TBC1D5: variants seen among roughly 807,000 people sequenced by gnomAD.
The protein encoded by TBC1D5 is TBC1 domain family, member 5.
TBC1D5 carries 75 observed loss-of-function variants against 100.3 expected under a neutral mutation model. The ratio of observed to expected loss-of-function variants is 0.75; its 90% CI spans 0.62 to 0.91. The LOEUF (loss-of-function observed/expected upper bound fraction) is 0.91, where lower values mean the gene tolerates loss of function less well. Ranked by LOEUF, TBC1D5 falls within the 40% of genes least tolerant of loss-of-function variation. The probability of loss-of-function intolerance (pLI) is 0.00; values close to 1 mark genes in which losing one functional copy is unlikely to be tolerated. For synonymous variants in TBC1D5, 323 were observed against 325.6 expected (o/e 0.99, Z 0.09); for missense variants, 910 against 942.4 (o/e 0.97, Z 0.45).
intron 14 of TBC1D5, among the ~76,000 whole-genome samples, chr3:17,294,116 T>C (rs2082018507): frequency 6.6e-6 from 1 of 152,246 alleles, no homozygotes; most frequent in African/African-American, 2.4e-5. Flanking sequence ...GTATTACTAC[T>C]ACTCTAGTGA....
intron 18 of TBC1D5, among the ~76,000 whole-genome samples, chr3:17,198,853 G>C (rs562955107): frequency 6.6e-6 from 1 of 152,294 alleles, no homozygotes; most frequent in South Asian, 2.1e-4. Context: ...TGCTCCACTG[G>C]AAAGATTCTG....
At chr3:17,333,151 G>C (rs1160518563) in intron 13 of TBC1D5, 1 of 152,312 alleles carries the variant, frequency 6.6e-6, no homozygotes, top group Non-Finnish European at 1.5e-5. Context: ...GTATCGAAGA[G>C]GGAAGAAGTC....
rs533479585 is a variant in TBC1D5 at position 17,575,715 on chromosome 3, G to A, written c.-36+48134C>T. Among the ~76,000 whole-genome samples the A allele has an allele frequency of 4.6e-5, 7 of 152,196 alleles. No homozygotes were observed. In the East Asian group the frequency reaches 5.8e-4, roughly 13 times the overall value. On this transcript the variant is annotated intron_variant, in intron 2 of 21. Transcript: ENST00000253692. ...GACATTAACTTTTCTTGCAAGGTCT[G>A]TACTCAGTTCAGAATTTACTTTGGA...
intron 2 of TBC1D5, among the ~76,000 whole-genome samples, chr3:17,536,957 T>C (rs1263622320): frequency 3.9e-5 from 6 of 152,162 alleles, no homozygotes; most frequent in Admixed American, 2.6e-4. Context: ...AAATATATGG[T>C]AAATGTCTAC....
Position 17,706,289 on chromosome 3 carries a change from A to C in TBC1D5, c.-101+33054T>G, listed in dbSNP as rs115636061. On this transcript the variant is annotated intron_variant, in intron 1 of 21. Coordinates refer to ENST00000253692, the Ensembl canonical transcript of TBC1D5. Reference sequence around the variant, plus strand: ...ACTCAGCTCTAAAGAGTTGAACTAGAGGGTCTCACCTTTTCTGTTCAAACC... The same window carrying C: ...ACTCAGCTCTAAAGAGTTGAACTAGCGGGTCTCACCTTTTCTGTTCAAACC... 123 of 1,538,878 alleles carry C rather than the reference A, an allele frequency of 8.0e-5. No individual in the cohort carries two copies. In the African/African-American group the frequency reaches 1.6e-3, roughly 20 times the overall value.
chr3:17,522,370 A>G (rs2096072698), intron 2 of TBC1D5, among the ~76,000 whole-genome samples: 1 of 152,168 alleles, frequency 6.6e-6, no homozygotes, highest in Admixed American at 6.5e-5. Context: ...ATGGGAATAA[A>G]CTATTTCAAT....
intron 3 of TBC1D5, among the ~76,000 whole-genome samples, chr3:17,448,631 A>C (rs1216168645): frequency 6.6e-6 from 1 of 152,220 alleles, no homozygotes; most frequent in African/African-American, 2.4e-5. Flanking sequence ...CAGGTGCCTT[A>C]TCAAAGAGAA....
At chr3:17,219,597 G>A (rs1295259009) in intron 17 of TBC1D5, among the ~76,000 whole-genome samples, 2 of 151,256 alleles carry the variant, frequency 1.3e-5, no homozygotes, top group Non-Finnish European at 2.9e-5. Flanking sequence ...CCTGTTATTT[G>A]TTGCTGTTTT....
chr3:17,354,083 T>C (rs1170761894), intron 13 of TBC1D5, among the ~76,000 whole-genome samples: 6 of 152,116 alleles, frequency 3.9e-5, no homozygotes, highest in African/African-American at 1.4e-4. Context: ...TAAGACAGAC[T>C]ACATACACAT....
intron 18 of TBC1D5, among the ~76,000 whole-genome samples, chr3:17,191,736 C>A (rs2069931465): frequency 6.6e-6 from 1 of 152,018 alleles, no homozygotes; most frequent in Non-Finnish European, 1.5e-5. Flanking sequence ...CCTGCCTCAG[C>A]CTCCCAAGTA....
intron 18 of TBC1D5, among the ~76,000 whole-genome samples, chr3:17,201,740 G>GT (rs1214607673): frequency 1.3e-5 from 2 of 152,126 alleles, no homozygotes; most frequent in African/African-American, 2.4e-5. Context: ...CTCTGGCTGT[G>GT]TAAGATGTGA....
At chr3:17,627,326 G>A (rs900638536) in intron 1 of TBC1D5, among the ~76,000 whole-genome samples, 1 of 152,058 alleles carries the variant, frequency 6.6e-6, no homozygotes, top group Non-Finnish European at 1.5e-5. Flanking sequence ...CAGAGGGATG[G>A]AAACATAAAA....
rs141868528 is a variant in TBC1D5, at chr3:17,450,205, C to A, written c.98-21686G>T. Among the ~76,000 whole-genome samples the A allele has an allele frequency of 4.4e-3, 676 of 152,174 alleles. 1 individual carries two copies. Among genetic ancestry groups the A allele is most frequent in the African/African-American group, 0.015 (641 of 41,498 alleles). ...AACATCAACATCAACAAAAAGGACA[C>A]CCACGCAAAAACCCCATCCAAAAGT... On this transcript the variant is annotated intron_variant, in intron 3 of 21. Coordinates refer to ENST00000253692, the Ensembl canonical transcript of TBC1D5.
At chr3:17,220,193 G>A (rs917177018) in intron 17 of TBC1D5, among the ~76,000 whole-genome samples, 6 of 152,148 alleles carry the variant, frequency 3.9e-5, no homozygotes, top group African/African-American at 1.4e-4. Context: ...GAACTGCTAT[G>A]TATAACTATA....
intron 15 of TBC1D5, among the ~76,000 whole-genome samples, chr3:17,277,367 C>T (rs145676513): frequency 4.3e-4 from 66 of 152,008 alleles, no homozygotes; most frequent in African/African-American, 1.5e-3. Context: ...TTACTTTTTT[C>T]TTACTGTCTT....
chr3:17,590,055 A>T (rs1473762563), intron 2 of TBC1D5, among the ~76,000 whole-genome samples: 1 of 151,654 alleles, frequency 6.6e-6, no homozygotes, highest in Non-Finnish European at 1.5e-5. Flanking sequence ...ATCAGCACCC[A>T]CTCCCCCCTA....
chr3:17,456,270 A>G (rs2095082532), intron 3 of TBC1D5, among the ~76,000 whole-genome samples: 1 of 152,246 alleles, frequency 6.6e-6, no homozygotes, highest in Non-Finnish European at 1.5e-5. Flanking sequence ...CCCCACAAGC[A>G]CAGGCAATCA....
Position 17,664,958 on chromosome 3 carries a change from G to C in TBC1D5, c.-100-41045C>G, listed in dbSNP as rs576617483. On this transcript the variant is annotated intron_variant, in intron 1 of 21. Coordinates refer to ENST00000253692, the Ensembl canonical transcript of TBC1D5. ...AATGAAGACTGGAACTTATGTTACT[G>C]AATCAAAGGTTACAGGCTCTTTTAG... The C allele has an allele frequency of 7.3e-5, 10 of 137,078 alleles. No homozygotes were observed. The East Asian group carries it at 2.5e-3, about 34-fold the overall frequency. The allele number at this position is 137,078 out of a possible 1,614,324, so 8.5% of individuals were successfully genotyped here.
At chr3:17,676,225 T>C (rs2068612730) in intron 1 of TBC1D5, among the ~76,000 whole-genome samples, 1 of 152,192 alleles carries the variant, frequency 6.6e-6, no homozygotes, top group Admixed American at 6.6e-5. Context: ...GACTAAATTG[T>C]ACTGTTGTTA....
Sources: gnomAD v4.1 joint callset for allele counts (sites outside exome capture counted in the v4.1 genomes callset) on GRCh38, gnomAD v4.1.1 for gene constraint, MANE v1.5 for transcripts, NCBI Gene and HGNC (gene_info 2026-07-23, HGNC 2026-07-21) for gene names.